The following RAD51B variants were observed in gnomAD, a reference collection of about 807,000 sequenced individuals.
RAD51B encodes DNA repair protein RAD51 homolog 2.
In RAD51B, 38 loss-of-function variants were observed where a neutral mutation model predicts 42.2. The observed-to-expected ratio is 0.90, with a 90% CI of 0.70 to 1.18. The LOEUF (loss-of-function observed/expected upper bound fraction) is 1.18. RAD51B is among the 50% of genes most tolerant of loss of function. RAD51B has a pLI of 0.00. For synonymous variants in RAD51B, 154 were observed against 145.2 expected, an observed-to-expected ratio of 1.06 and a Z score of -0.43; for missense variants, 373 against 400.7, an observed-to-expected ratio of 0.93 and a Z score of 0.59.
chr14:68,315,712 C>T (rs535432911), intron 8 of RAD51B, among the ~76,000 whole-genome samples: 2 of 152,190 alleles, frequency 1.3e-5, no homozygotes, highest in South Asian at 2.1e-4. Flanking sequence ...TTAGTAGAGA[C>T]AGGGTTTCAC....
intron 7 of RAD51B, among the ~76,000 whole-genome samples, chr14:68,111,716 A>G (rs1470291525): frequency 6.6e-6 from 1 of 152,012 alleles, no homozygotes; most frequent in African/African-American, 2.4e-5. Context: ...AAGGGAAAGG[A>G]CCATCTTGGG....
chr14:68,293,939 C>T (rs2081563949), intron 8 of RAD51B, among the ~76,000 whole-genome samples: 1 of 152,180 alleles, frequency 6.6e-6, no homozygotes, highest in Admixed American at 6.5e-5. Flanking sequence ...ACAGTAAATA[C>T]TTCAGAAGAA....
chr14:67,986,477 A>T (rs1566557651), intron 7 of RAD51B, among the ~76,000 whole-genome samples: 1 of 152,180 alleles, frequency 6.6e-6, no homozygotes, highest in Non-Finnish European at 1.5e-5. Context: ...ATTTCTTTTC[A>T]TCATTTCTCT....
chr14:68,067,428 C>T (rs1188810136), intron 7 of RAD51B, among the ~76,000 whole-genome samples: 2 of 143,276 alleles, frequency 1.4e-5, no homozygotes, highest in African/African-American at 5.2e-5. Context: ...TGTGCCACTG[C>T]ACTCCAACCT....
chr14:68,415,690 T>C (rs2084539420), intron 9 of RAD51B, among the ~76,000 whole-genome samples: 1 of 152,198 alleles, frequency 6.6e-6, no homozygotes, highest in African/African-American at 2.4e-5. Context: ...TGGGAAACTC[T>C]TGCTATTACA....
At chr14:68,469,923 G>A (rs2086079536) in intron 10 of RAD51B, among the ~76,000 whole-genome samples, 1 of 152,136 alleles carries the variant, frequency 6.6e-6, no homozygotes, top group Non-Finnish European at 1.5e-5. Context: ...GATAACTTTT[G>A]GGATAACATT....
chr14:67,975,516 T>TTAA, intron 7 of RAD51B, among the ~76,000 whole-genome samples: 1 of 152,308 alleles, frequency 6.6e-6, no homozygotes, highest in African/African-American at 2.4e-5. Context: ...TAAAAGACAA[T>TTAA]CCTTAACCAA....
chr14:67,917,671 G>C (rs188584922), intron 7 of RAD51B, among the ~76,000 whole-genome samples: 1 of 152,152 alleles, frequency 6.6e-6, no homozygotes, highest in African/African-American at 2.4e-5. Context: ...GAGACAACAG[G>C]ATTTCCTGAC....
chr14:68,599,589 A>G (rs1210843517), downstream of RAD51B, among the ~76,000 whole-genome samples: 2 of 152,234 alleles, frequency 1.3e-5, no homozygotes, highest in African/African-American at 4.8e-5. Context: ...ACCTCCCATC[A>G]GATCCGCCCC....
chr14:68,167,217 G>A (rs1218326515), intron 7 of RAD51B, among the ~76,000 whole-genome samples: 1 of 151,954 alleles, frequency 6.6e-6, no homozygotes, highest in African/African-American at 2.4e-5. Flanking sequence ...ATCCTCTTAT[G>A]ACCTCTGTTC....
At chr14:68,252,397 T>C (rs34409637) in intron 7 of RAD51B, among the ~76,000 whole-genome samples, 25,545 of 152,146 alleles carry the variant, frequency 0.17, 2,337 homozygotes, top group Middle Eastern at 0.35. Context: ...GAATTGACAT[T>C]TAAATATGGT....
chr14:68,601,895 C>G (rs1365443322), intron 10 of RAD51B, among the ~76,000 whole-genome samples: 1 of 152,156 alleles, frequency 6.6e-6, no homozygotes, highest in East Asian at 1.9e-4. Flanking sequence ...AAACTGAAGT[C>G]ATCATTGACC....
At chr14:68,291,229 G>A (rs1260578337) in intron 7 of RAD51B, among the ~76,000 whole-genome samples, 5 of 150,404 alleles carry the variant, frequency 3.3e-5, no homozygotes, top group South Asian at 2.1e-4. Context: ...ATGGAATTTC[G>A]CTCTTGTTGT....
intron 8 of RAD51B, among the ~76,000 whole-genome samples, chr14:68,331,631 A>G (rs1169965066): frequency 6.6e-6 from 1 of 152,132 alleles, no homozygotes; most frequent in African/African-American, 2.4e-5. Flanking sequence ...CCTGGGCCAC[A>G]TCGCTGAGAC....
intron 5 of RAD51B, 111 bp from the exon 6 acceptor site, chr14:67,885,758 G>T: frequency 2.9e-6 from 4 of 1,379,270 alleles, no homozygotes; most frequent in Non-Finnish European, 3.8e-6. Flanking sequence ...GCTTATACCT[G>T]CTCTATTGAT....
At chr14:68,569,553 C>A (rs773307068) in intron 10 of RAD51B, among the ~76,000 whole-genome samples, 8 of 152,186 alleles carry the variant, frequency 5.3e-5, no homozygotes, top group Admixed American at 1.3e-4. Flanking sequence ...TCAAAGAAAG[C>A]AGGGGAAAGA....
intron 10 of RAD51B, among the ~76,000 whole-genome samples, chr14:68,571,959 C>A (rs1035555845): frequency 6.6e-6 from 1 of 152,218 alleles, no homozygotes. Flanking sequence ...AAGTGGACAT[C>A]GATTTTATTT....
At chr14:68,259,991 T>C (rs887297023) in intron 7 of RAD51B, among the ~76,000 whole-genome samples, 1 of 152,076 alleles carries the variant, frequency 6.6e-6, no homozygotes, top group Non-Finnish European at 1.5e-5. Flanking sequence ...ATTCAGATAA[T>C]ACACAAAATA....
At chr14:68,423,133 C>T (rs1247771630) in intron 9 of RAD51B, among the ~76,000 whole-genome samples, 1 of 152,166 alleles carries the variant, frequency 6.6e-6, no homozygotes, top group African/African-American at 2.4e-5. Flanking sequence ...GGTTGTATCC[C>T]ACTGCCCATT....
Sources: allele counts gnomAD v4.1 joint callset (sites outside exome capture counted in the v4.1 genomes callset), GRCh38; gene constraint gnomAD v4.1.1; transcripts MANE v1.5; gene names NCBI Gene and HGNC (gene_info 2026-07-23, HGNC 2026-07-21).